NRG3: variants seen among roughly 807,000 people sequenced by gnomAD.
NRG3 encodes the protein pro-neuregulin-3, membrane-bound isoform.
In NRG3, 31 loss-of-function variants were observed where a neutral mutation model predicts 66.9. The observed-to-expected ratio is 0.46, with a 90% CI of 0.35 to 0.63. NRG3 has a LOEUF of 0.63. Among genes scored for constraint, NRG3 ranks in the 20% least tolerant of loss-of-function variants. The probability of loss-of-function intolerance (pLI) is 0.00; values close to 1 mark genes in which losing one functional copy is unlikely to be tolerated. For missense variants in NRG3, 910 were observed against 878.9 expected, an observed-to-expected ratio of 1.04 and a Z score of -0.45; for synonymous variants, 393 against 359.4, an observed-to-expected ratio of 1.09 and a Z score of -1.06.
intron 1 of NRG3, among the ~76,000 whole-genome samples, chr10:82,057,173 A>T (rs1459029288): frequency 2.0e-5 from 3 of 151,898 alleles, no homozygotes; most frequent in African/African-American, 4.8e-5. Context: ...TATTTTCTTC[A>T]GATATTTTTT....
At chr10:82,305,807 T>C (rs1370006610) in intron 1 of NRG3, among the ~76,000 whole-genome samples, 1 of 152,148 alleles carries the variant, frequency 6.6e-6, no homozygotes, top group Admixed American at 6.5e-5. Context: ...ATAGTGACAA[T>C]TGTTCCTCCT....
chr10:82,424,507 A>C (rs546586253), intron 2 of NRG3, among the ~76,000 whole-genome samples: 34 of 152,148 alleles, frequency 2.2e-4, no homozygotes, highest in African/African-American at 7.7e-4. Flanking sequence ...TTTTATCATT[A>C]TTATATGACA....
chr10:82,095,016 G>A (rs1305285831), intron 1 of NRG3, among the ~76,000 whole-genome samples: 1 of 152,008 alleles, frequency 6.6e-6, no homozygotes, highest in African/African-American at 2.4e-5. Context: ...CTGGACTTGT[G>A]CCCCATAAAT....
intron 2 of NRG3, among the ~76,000 whole-genome samples, chr10:82,566,326 A>G (rs1264687771): frequency 2.6e-5 from 4 of 152,020 alleles, no homozygotes; most frequent in Admixed American, 6.6e-5. Context: ...GGATGTATGC[A>G]ATGTATTAAA....
intron 2 of NRG3, among the ~76,000 whole-genome samples, chr10:82,484,216 C>T (rs1842503952): frequency 6.6e-6 from 1 of 152,168 alleles, no homozygotes; most frequent in Non-Finnish European, 1.5e-5. Context: ...TCATTCCTGA[C>T]TTTTAAGTAC....
chr10:82,648,890 C>T (rs1021025585), intron 2 of NRG3, among the ~76,000 whole-genome samples: 11 of 152,132 alleles, frequency 7.2e-5, no homozygotes, highest in Admixed American at 6.5e-4. Flanking sequence ...TGCTGATCAG[C>T]TTAAGGAGAT....
chr10:82,971,854 A>G (rs1339612557), intron 6 of NRG3, among the ~76,000 whole-genome samples: 1 of 152,138 alleles, frequency 6.6e-6, no homozygotes, highest in Non-Finnish European at 1.5e-5. Flanking sequence ...TTCCTTTTAA[A>G]ATGCATTTTA....
chr10:82,030,511 T>G (rs1021911024), intron 1 of NRG3, among the ~76,000 whole-genome samples: 2 of 152,028 alleles, frequency 1.3e-5, no homozygotes, highest in African/African-American at 4.8e-5. Context: ...GATGGAAGTC[T>G]AATAAGTGAA....
intron 1 of NRG3, among the ~76,000 whole-genome samples, chr10:82,134,469 C>T (rs1365281763): frequency 3.3e-5 from 5 of 152,094 alleles, no homozygotes; most frequent in Non-Finnish European, 7.4e-5. Flanking sequence ...CTTCAGTCTT[C>T]TGCTTATGGC....
intron 3 of NRG3, among the ~76,000 whole-genome samples, chr10:82,829,383 A>G (rs932134288): frequency 6.6e-6 from 1 of 152,180 alleles, no homozygotes; most frequent in Non-Finnish European, 1.5e-5. Context: ...ATAGTCAGAG[A>G]TGGTTTTCTG....
At chr10:82,903,103 C>T (rs1018921966) in intron 4 of NRG3, among the ~76,000 whole-genome samples, 1 of 152,016 alleles carries the variant, frequency 6.6e-6, no homozygotes, top group Non-Finnish European at 1.5e-5. Context: ...CAAACACAGA[C>T]CATAGGTGGC....
At chr10:82,639,316 A>G (rs2050410685) in intron 2 of NRG3, among the ~76,000 whole-genome samples, 1 of 152,192 alleles carries the variant, frequency 6.6e-6, no homozygotes, top group Non-Finnish European at 1.5e-5. Flanking sequence ...GGCCTCTTTT[A>G]TAAGGCTACT....
At chr10:82,621,638 G>A (rs986911115) in intron 2 of NRG3, among the ~76,000 whole-genome samples, 1 of 152,160 alleles carries the variant, frequency 6.6e-6, no homozygotes, top group Admixed American at 6.5e-5. Context: ...AGTTTAGACT[G>A]GGGGGAGATA....
At chr10:82,117,502 T>C (rs112579750) in intron 1 of NRG3, among the ~76,000 whole-genome samples, 10 of 152,268 alleles carry the variant, frequency 6.6e-5, no homozygotes, top group African/African-American at 2.2e-4. Context: ...ATATCTTGAA[T>C]GATGAGGAGA....
intron 1 of NRG3, among the ~76,000 whole-genome samples, chr10:82,336,396 G>A (rs946747077): frequency 6.6e-6 from 1 of 152,072 alleles, no homozygotes; most frequent in African/African-American, 2.4e-5. Context: ...CCATCAGAGA[G>A]GCAAAGTTAG....
chr10:82,397,141 G>C (rs1326777618), intron 2 of NRG3, among the ~76,000 whole-genome samples: 2 of 152,144 alleles, frequency 1.3e-5, no homozygotes, highest in Non-Finnish European at 2.9e-5. Flanking sequence ...GCCCATCTTG[G>C]AAGGAAATGG....
At chr10:82,307,232 A>G (rs1453231541) in intron 1 of NRG3, among the ~76,000 whole-genome samples, 1 of 152,196 alleles carries the variant, frequency 6.6e-6, no homozygotes, top group African/African-American at 2.4e-5. Flanking sequence ...ATATATGTCA[A>G]TATGATCTAT....
At chr10:82,789,116 A>T (rs1408343982) in intron 3 of NRG3, among the ~76,000 whole-genome samples, 1 of 152,130 alleles carries the variant, frequency 6.6e-6, no homozygotes. Context: ...TTCCACCAGA[A>T]ATATATGAGA....
At chr10:82,718,287 G>T (rs1443797860) in intron 2 of NRG3, among the ~76,000 whole-genome samples, 1 of 152,014 alleles carries the variant, frequency 6.6e-6, no homozygotes, top group African/African-American at 2.4e-5. Context: ...TTCTTCACCT[G>T]TGCAATCAAT....
Sources: allele counts gnomAD v4.1 joint callset (sites outside exome capture counted in the v4.1 genomes callset), GRCh38; gene constraint gnomAD v4.1.1; transcripts MANE v1.5; gene names NCBI Gene and HGNC (gene_info 2026-07-23, HGNC 2026-07-21).